Variants in ADGRE2 observed in about 807,000 individuals in gnomAD.
The protein encoded by ADGRE2 is CD97 antigen.
A neutral mutation model predicts 100.8 loss-of-function variants in ADGRE2; 83 were observed. The ratio of observed to expected loss-of-function variants is 0.82; its 90% CI spans 0.69 to 0.99. The LOEUF is 0.99. ADGRE2 is among the 50% of genes least tolerant of loss of function. The pLI is 0.00. For missense variants in ADGRE2, 814 were observed against 1,035.7 expected, an observed-to-expected ratio of 0.79 and a Z score of 2.94; for synonymous variants, 355 against 413.0, an observed-to-expected ratio of 0.86 and a Z score of 1.70.
rs749818486 is a variant in ADGRE2 at position 14,756,308 on chromosome 19, A to G, written c.1122T>C (p.Ser374=). ...CTGCCTGATTCTGTCTCAAGGTGAC[A>G]CTCCTGTCTACTTGCTTCTGCACCT... ...SLEVQKQVDR[S]VTLRQNQAVM... Residue 374 remains serine, a synonymous_variant, in exon 12 of 21, where the codon AGT becomes AGC. Coordinates refer to ENST00000315576, the MANE Select transcript of ADGRE2 (RefSeq NM_013447.4). 15 of 1,613,648 alleles carry G rather than the reference A, an allele frequency of 9.3e-6. No individual in the cohort carries two copies. The highest frequency in any genetic ancestry group is 1.3e-5 in the Non-Finnish European group (15 of 1,179,902).
At chr19:14,767,148 G>T in intron 5 of ADGRE2, 39 bp from the exon 6 acceptor site, 1 of 1,601,308 alleles carries the variant, frequency 6.2e-7, no homozygotes, top group South Asian at 1.1e-5. Flanking sequence ...GCCCGTAGCT[G>T]TGAGCAGCTT....
At chr19:14,777,329 T>C (rs2044479225) in intron 1 of ADGRE2, among the ~76,000 whole-genome samples, 1 of 152,208 alleles carries the variant, frequency 6.6e-6, no homozygotes, top group Non-Finnish European at 1.5e-5. Flanking sequence ...CCCTGCTGTT[T>C]TCCAGATGAG....
intron 2 of ADGRE2, 104 bp downstream of exon 2, chr19:14,776,622 C>T: frequency 7.5e-6 from 10 of 1,327,832 alleles, no homozygotes; most frequent in Non-Finnish European, 1.1e-5. Flanking sequence ...TCTCCATCGC[C>T]GGCCCCACAG....
chr19:14,764,442 C>A lies in ADGRE2; in HGVS notation c.1075G>T (p.Ala359Ser). 1 of 1,613,036 alleles carries A rather than the reference C, an allele frequency of 6.2e-7. No individual in the cohort carries two copies. Among genetic ancestry groups the A allele is most frequent in the Non-Finnish European group, 8.5e-7 (1 of 1,179,952 alleles). ...AGACCCAGGGACCTACCTGTGCCTG[C>A]AGGATAACTGAAGTTCAACAGCCCA... Reference protein sequence around the residue: ...SNGLLNFSYPAGTELSLEVQK... With the variant: ...SNGLLNFSYPSGTELSLEVQK... The change falls in exon 11 of 21, where the codon GCA (alanine) becomes TCA (serine). Residue 359 changes from alanine to serine, a missense_variant. By Grantham distance (99) the Ala-to-Ser change is moderately conservative. Coordinates refer to ENST00000315576, the MANE Select transcript of ADGRE2 (RefSeq NM_013447.4).
At chr19:14,760,645 C>T (rs1310105121) in intron 11 of ADGRE2, among the ~76,000 whole-genome samples, 4 of 152,050 alleles carry the variant, frequency 2.6e-5, no homozygotes, top group African/African-American at 9.7e-5. Flanking sequence ...AAGTCCTCTC[C>T]CGCCCCCCTC....
intron 1 of ADGRE2, among the ~76,000 whole-genome samples, chr19:14,777,698 G>C (rs2335222): frequency 7.0e-6 from 1 of 142,326 alleles, no homozygotes; most frequent in African/African-American, 2.6e-5. Flanking sequence ...CCTGTGTCCA[G>C]GTGTTCTCAT....
At chr19:14,750,103 C>T (rs59436996) in intron 16 of ADGRE2, among the ~76,000 whole-genome samples, 12 of 48,484 alleles carry the variant, frequency 2.5e-4, no homozygotes, top group African/African-American at 1.3e-3. Context: ...TGTAATTATT[C>T]ATAGTTACAT....
intron 20 of ADGRE2, among the ~76,000 whole-genome samples, chr19:14,741,091 GTTTTTTTTT>G (rs71333309): frequency 1.7e-5 from 2 of 116,712 alleles, no homozygotes; most frequent in African/African-American, 6.8e-5. Flanking sequence ...TGAATAGGCT[GTTTTTTTTT>G]TTTTTTTTTT....
intron 1 of ADGRE2, among the ~76,000 whole-genome samples, chr19:14,777,236 C>T (rs1386013638): frequency 6.6e-6 from 1 of 152,224 alleles, no homozygotes; most frequent in African/African-American, 2.4e-5. Flanking sequence ...CTCTGGGCTC[C>T]CACTTTGGTA....
At chr19:14,748,429 C>T (rs1223437684) in intron 16 of ADGRE2, among the ~76,000 whole-genome samples, 2 of 152,292 alleles carry the variant, frequency 1.3e-5, no homozygotes, top group African/African-American at 4.8e-5. Flanking sequence ...GTGCCTCAGC[C>T]TCCCAAGTAG....
At position 14,734,138 on chromosome 19, in the gene ADGRE2, T is replaced by C. The variant is rs2042708516; in HGVS notation, c.*2098A>G. 6.6e-6 allele frequency: 1 copy of C among 152,024 alleles called. No individual in the cohort carries two copies. Among genetic ancestry groups the C allele is most frequent in the Admixed American group, 6.6e-5 (1 of 15,252 alleles). 9.4% of individuals were successfully genotyped at this position (152,024 alleles called of 1,614,324 possible). A position where few individuals can be genotyped will look rare whatever the true frequency, so the allele number is the denominator to read the frequency against. ...CAGCTCTGGGACCAGTTGGATGGGG[T>C]TTGAATCCTAACCCTGGCTCCTGTT... On this transcript the variant is annotated 3_prime_UTR_variant, in exon 21 of 21. Coordinates refer to ENST00000315576, the MANE Select transcript of ADGRE2 (RefSeq NM_013447.4).
the ADGRE2 span, among the ~76,000 whole-genome samples, chr19:14,724,350 C>T: frequency 3.7e-4 from 57 of 152,314 alleles, no homozygotes; most frequent in African/African-American, 1.3e-3. Context: ...CTTACTGATT[C>T]ACTTGGGGAG....
At chr19:14,727,024 C>CTTTTTTTTTTTTTTTT in the ADGRE2 span, among the ~76,000 whole-genome samples, 2 of 70,098 alleles carry the variant, frequency 2.9e-5, no homozygotes, top group African/African-American at 6.3e-5. Flanking sequence ...AGAAAAGAGG[C>CTTTTTTTTTTTTTTTT]TTTTTTTTTT....
chr19:14,727,194 A>AT, the ADGRE2 span, among the ~76,000 whole-genome samples: 18 of 151,854 alleles, frequency 1.2e-4, no homozygotes, highest in Middle Eastern at 0.014. Flanking sequence ...CGCCTGGCTA[A>AT]TTTTTTTGTA....
At position 14,755,030 on chromosome 19, in the gene ADGRE2, G is replaced by C. The variant is rs545929404; in HGVS notation, c.1514C>G (p.Thr505Ser). ...ACGGCAGATGGTGCTGGTGTCTCTG[G>C]TGCCTATTGTGCTGCAGCCTGTGGT... ...WATTGCSTIG[T>S]RDTSTICRCT... Residue 505 changes from threonine (T) to serine (S), a missense_variant, in exon 14 of 21, where the codon ACC becomes AGC. Physicochemically the swap from Thr to Ser is moderately conservative, Grantham distance 58. Around this residue, in one of 5 missense-constraint regions of ADGRE2, gnomAD observed 569 missense variants for 692.7 expected, o/e 0.82. Coordinates refer to ENST00000315576, the MANE Select transcript of ADGRE2 (RefSeq NM_013447.4). The C allele has an allele frequency of 6.2e-7, 1 of 1,614,118 alleles. No individual in the cohort carries two copies. Among genetic ancestry groups the C allele is most frequent in the South Asian group, 1.1e-5 (1 of 91,084 alleles).
rs2732797 is a variant in ADGRE2 at position 14,733,176 on chromosome 19, C to T, written c.*3060G>A. ...GATATTATGTGGTCTCTTGAACCAG[C>T]CTTAGGCATGGAGGTTGAGGATCAG... On this transcript the variant is annotated 3_prime_UTR_variant, in exon 21 of 21. Coordinates refer to ENST00000315576, the MANE Select transcript of ADGRE2 (RefSeq NM_013447.4). The T allele has an allele frequency of 0.22, 34,050 of 152,136 alleles. 4,039 individuals carry two copies. The highest frequency in any genetic ancestry group is 0.26 in the Non-Finnish European group (17,678 of 68,022). 9.4% of individuals were successfully genotyped at this position (152,136 alleles called of 1,614,324 possible). A position where few individuals can be genotyped will look rare whatever the true frequency, so the allele number is the denominator to read the frequency against.
At chr19:14,761,631 C>T (rs2043727491) in intron 11 of ADGRE2, among the ~76,000 whole-genome samples, 1 of 151,856 alleles carries the variant, frequency 6.6e-6, no homozygotes, top group Non-Finnish European at 1.5e-5. Flanking sequence ...GAAGCCTGCA[C>T]AGGTGAATGC....
chr19:14,751,691 C>T lies in ADGRE2; in HGVS notation c.1789-20G>A, dbSNP rs567051006. ...CAGCACCTGGCGGAGAAGTAAAAGACGCCCAGAGCGGCGATCAGATTTGAG... is the reference window on the plus strand; with the variant it reads ...CAGCACCTGGCGGAGAAGTAAAAGATGCCCAGAGCGGCGATCAGATTTGAG... On this transcript the variant is annotated intron_variant, in intron 15 of 20. Transcript: ENST00000315576. 31 of 1,593,966 alleles carry T rather than the reference C, an allele frequency of 1.9e-5. No individual in the cohort carries two copies. The highest frequency in any genetic ancestry group is 5.4e-5 in the African/African-American group (4 of 74,494).
At chr19:14,736,612 GTATATAGATATTTAGAAA>G (rs1377828303) in intron 20 of ADGRE2, among the ~76,000 whole-genome samples, 3 of 145,128 alleles carry the variant, frequency 2.1e-5, no homozygotes, top group East Asian at 2.0e-4. Context: ...ATATTTAGAA[GTATATAGATATTTAGAAA>G]TATATAGATA....
Sources: gnomAD v4.1 joint callset for allele counts (sites outside exome capture counted in the v4.1 genomes callset) on GRCh38, gnomAD v4.1.1 for gene constraint, gnomAD v4.1.1 regional missense constraint, MANE v1.5 for transcripts, NCBI Gene and HGNC (gene_info 2026-07-23, HGNC 2026-07-21) for gene names.